The following TTC39C variants were observed in gnomAD, a reference collection of about 807,000 sequenced individuals.
TTC39C encodes the protein tetratricopeptide repeat domain 39C, also known as tetratricopeptide repeat protein 39C.
A neutral mutation model predicts 76.3 loss-of-function variants in TTC39C; 33 were observed. The observed-to-expected ratio is 0.43, with a 90% confidence interval of 0.33 to 0.58. TTC39C has a LOEUF of 0.58. Ranked by LOEUF, TTC39C falls within the 20% of genes least tolerant of loss-of-function variation. TTC39C has a pLI of 0.04. For missense variants in TTC39C, 595 were observed against 701.4 expected (o/e 0.85, Z 1.71); for synonymous variants, 254 against 260.6 (o/e 0.97, Z 0.24).
At chr18:24,002,451 T>C (rs562486860) in intron 1 of TTC39C, among the ~76,000 whole-genome samples, 1 of 152,324 alleles carries the variant, frequency 6.6e-6, no homozygotes, top group African/African-American at 2.4e-5. Context: ...CCAGCAGCCA[T>C]TTAATGTTTT....
chr18:24,027,333 G>C (rs1170180902), intron 1 of TTC39C, among the ~76,000 whole-genome samples: 1 of 151,978 alleles, frequency 6.6e-6, no homozygotes, highest in African/African-American at 2.4e-5. Flanking sequence ...CTCTAGGATC[G>C]CTTCCAGTAG....
At chr18:24,064,409 T>A (rs2084140853) in intron 2 of TTC39C, among the ~76,000 whole-genome samples, 1 of 152,214 alleles carries the variant, frequency 6.6e-6, no homozygotes, top group Non-Finnish European at 1.5e-5. Context: ...TATTATATTT[T>A]AACCAAAGTC....
chr18:24,119,974 AATATTTGG>A (rs2084945037), intron 8 of TTC39C, among the ~76,000 whole-genome samples: 1 of 130,688 alleles, frequency 7.7e-6, no homozygotes, highest in African/African-American at 2.8e-5. Flanking sequence ...CCCCCCCCCC[AATATTTGG>A]CAATCCCAGA....
intron 3 of TTC39C, among the ~76,000 whole-genome samples, chr18:24,066,467 G>T (rs951371166): frequency 1.3e-5 from 2 of 152,144 alleles, no homozygotes; most frequent in East Asian, 3.8e-4. Flanking sequence ...ATGAATAATA[G>T]AATTGCATTT....
intron 1 of TTC39C, among the ~76,000 whole-genome samples, chr18:24,052,043 A>C (rs2083957972): frequency 6.6e-6 from 1 of 152,336 alleles, no homozygotes; most frequent in African/African-American, 2.4e-5. Flanking sequence ...TCTGCAGAGA[A>C]TTAAAATATA....
chr18:24,053,862 C>A lies in TTC39C; in HGVS notation c.168-10278C>A, dbSNP rs964506701. 8.5e-5 allele frequency among the ~76,000 whole-genome samples: 13 copies of A among 152,090 alleles called. 1 individual carries two copies. The highest frequency in any genetic ancestry group is 1.9e-4 in the Non-Finnish European group (13 of 68,022). On this transcript the variant is annotated intron_variant, in intron 1 of 13. Coordinates refer to ENST00000317571, the MANE Select transcript of TTC39C (RefSeq NM_001135993.2). The stretch of plus-strand genomic sequence containing the variant: ...TCAGCCCTCATCAGATTATCAGACT[C>A]CTTATTATAAAACCCTTTTTGATTT...
rs188164472 is a variant in TTC39C, at chr18:24,084,399, C to T, written c.984+1318C>T. 3.7e-3 allele frequency among the ~76,000 whole-genome samples: 564 copies of T among 152,144 alleles called. 8 individuals are homozygous for T. The highest frequency in any genetic ancestry group is 3.1e-3 in the Non-Finnish European group (212 of 68,010). On this transcript the variant is annotated intron_variant, in intron 6 of 13. Coordinates refer to ENST00000317571, the MANE Select transcript of TTC39C (RefSeq NM_001135993.2). ...ACTTGGGAGGCTGAGACACGAGAAT[C>T]GCTTGAACCTGGGAGGCAGAGGTTG...
Position 24,123,916 on chromosome 18 carries a change from T to G in TTC39C, c.1269T>G (p.Asn423Lys). The change falls in exon 9 of 14, where the codon AAT becomes AAG. Residue 423 changes from asparagine to lysine, a missense_variant. By Grantham distance (94) the Asn-to-Lys change is moderately conservative. Transcript: ENST00000317571. ...AGAAACTCTTCAAAAGGAAAAACAA[T>G]CAGATTGAACAGTTCTCGGTGAAAA... ...EVQKLFKRKN[N>K]QIEQFSVKKA... is the part of the protein sequence containing the mutation. 1 of 1,613,202 alleles carries G rather than the reference T, an allele frequency of 6.2e-7. No individual in the cohort carries two copies. Among genetic ancestry groups the G allele is most frequent in the Non-Finnish European group, 8.5e-7 (1 of 1,179,664 alleles).
chr18:24,127,890 T>C (rs1172350378), intron 10 of TTC39C, among the ~76,000 whole-genome samples: 2 of 152,204 alleles, frequency 1.3e-5, no homozygotes, highest in Non-Finnish European at 2.9e-5. Context: ...GTTGTGTCAC[T>C]CTGCTTCCCA....
intron 1 of TTC39C, among the ~76,000 whole-genome samples, chr18:23,999,381 T>C (rs1336557709): frequency 1.3e-5 from 2 of 152,272 alleles, no homozygotes; most frequent in Non-Finnish European, 2.9e-5. Context: ...CAGGACTCTC[T>C]GGATGGGCCA....
intron 1 of TTC39C, among the ~76,000 whole-genome samples, chr18:24,035,590 T>C (rs2083721461): frequency 6.6e-6 from 1 of 152,354 alleles, no homozygotes. Context: ...GAGAAATGTT[T>C]ATTCAAGTCC....
At chr18:24,118,077 T>C (rs374786543) in intron 7 of TTC39C, 48 bp from the exon 8 acceptor site, 3 of 1,512,804 alleles carry the variant, frequency 2.0e-6, no homozygotes, top group Non-Finnish European at 2.7e-6. Context: ...ATATGGGTCA[T>C]AGAGCTCAGT....
Position 24,125,522 on chromosome 18 carries a change from C to T in TTC39C, c.1392C>T (p.Ser464=), listed in dbSNP as rs770252498. The part of the protein sequence containing the change: ...LYLWKALPNC[S]FPNLQRMSQA... The stretch of plus-strand genomic sequence containing the variant: ...TGTGGAAAGCTCTTCCAAACTGTTC[C>T]TTCCCCAACCTGCAGAGGATGAGTC... The change falls in exon 10 of 14, where the codon TCC becomes TCT. Residue 464 remains serine, a synonymous_variant. Coordinates refer to ENST00000317571, the MANE Select transcript of TTC39C (RefSeq NM_001135993.2). The T allele has an allele frequency of 2.5e-6, 4 of 1,614,176 alleles. No homozygotes were observed. In the East Asian group the frequency reaches 8.9e-5, roughly 36 times the overall value.
intron 6 of TTC39C, among the ~76,000 whole-genome samples, chr18:24,112,935 T>C (rs1568442048): frequency 6.6e-6 from 1 of 152,216 alleles, no homozygotes; most frequent in East Asian, 1.9e-4. Flanking sequence ...CATGCACACA[T>C]TCCTGCGCCA....
At chr18:24,002,889 C>G (rs1452389761) in intron 1 of TTC39C, among the ~76,000 whole-genome samples, 1 of 152,226 alleles carries the variant, frequency 6.6e-6, no homozygotes, top group East Asian at 1.9e-4. Context: ...GTGGGACTTA[C>G]AAGTGCTCTG....
intron 1 of TTC39C, among the ~76,000 whole-genome samples, chr18:24,019,584 C>T (rs1485744268): frequency 1.3e-5 from 2 of 152,200 alleles, no homozygotes; most frequent in Non-Finnish European, 2.9e-5. Flanking sequence ...TATGAGAAAG[C>T]CATAGGATCT....
chr18:24,084,597 T>C (rs1023710733), intron 6 of TTC39C, among the ~76,000 whole-genome samples: 1 of 152,206 alleles, frequency 6.6e-6, no homozygotes, highest in African/African-American at 2.4e-5. Flanking sequence ...GCAATTGTTT[T>C]TCTTTGCATA....
chr18:24,024,202 C>T (rs11082890), intron 1 of TTC39C, among the ~76,000 whole-genome samples: 2 of 147,646 alleles, frequency 1.4e-5, no homozygotes, highest in African/African-American at 5.0e-5. Context: ...TAGTAGAGAC[C>T]GGGTTTCGCT....
At chr18:24,112,335 G>A (rs1285000436) in intron 6 of TTC39C, among the ~76,000 whole-genome samples, 1 of 152,154 alleles carries the variant, frequency 6.6e-6, no homozygotes, top group African/African-American at 2.4e-5. Context: ...CACACTCCCC[G>A]AAGAAAGCAC....
Sources: gnomAD v4.1 joint callset for allele counts (sites outside exome capture counted in the v4.1 genomes callset) on GRCh38, gnomAD v4.1.1 for gene constraint, MANE v1.5 for transcripts, NCBI Gene and HGNC (gene_info 2026-07-23, HGNC 2026-07-21) for gene names.